The following RAF1 variants were observed in gnomAD, a reference collection of about 807,000 sequenced individuals.
RAF1 encodes the protein Raf-1 proto-oncogene, serine/threonine kinase.
Under a neutral mutation model 81.1 loss-of-function variants are expected in RAF1, and 27 were observed. The ratio of observed to expected loss-of-function variants is 0.33; its 90% CI spans 0.25 to 0.46. The LOEUF (loss-of-function observed/expected upper bound fraction) is 0.46. Among genes scored for constraint, RAF1 ranks in the 20% least tolerant of loss-of-function variants. The probability of loss-of-function intolerance (pLI) is 1.00; values close to 1 mark genes in which losing one functional copy is unlikely to be tolerated. For missense variants in RAF1, 598 were observed against 826.0 expected (o/e 0.72, Z 3.38); for synonymous variants, 298 against 294.0 (o/e 1.01, Z -0.14).
Position 12,584,532 on chromosome 3 carries a change from C to T in RAF1, c.1989G>A (p.Pro663=), listed in dbSNP as rs142051431. Residue 663 remains proline (P), a synonymous_variant, in exon 18 of 18, where the codon CCG becomes CCA. Transcript: ENST00000442415. Reference sequence around the variant, plus strand: ...AAGTCAACTAGAAGACAGGCAGCCTCGGGGACGTGGTCAGCGTGCAAGCAT... The same window carrying T: ...AAGTCAACTAGAAGACAGGCAGCCTTGGGGACGTGGTCAGCGTGCAAGCAT... The T allele has an allele frequency of 2.7e-5, 43 of 1,614,024 alleles. 1 individual carries two copies. In the South Asian group the frequency reaches 3.1e-4, roughly 12 times the overall value.
intron 6 of RAF1, among the ~76,000 whole-genome samples, chr3:12,605,112 T>G (rs945387545): frequency 6.6e-6 from 1 of 152,226 alleles, no homozygotes; most frequent in Non-Finnish European, 1.5e-5. Context: ...TTGGTCAGAT[T>G]TGCTTTTCAA....
Position 12,584,999 on chromosome 3 carries a change from G to A in RAF1, c.1729-18C>T. The A allele has an allele frequency of 6.2e-7, 1 of 1,614,088 alleles. No individual in the cohort carries two copies. Among genetic ancestry groups the A allele is most frequent in the Non-Finnish European group, 8.5e-7 (1 of 1,179,996 alleles). On this transcript the variant is annotated intron_variant, in intron 16 of 17. Coordinates refer to ENST00000442415, the MANE Select transcript of RAF1 (RefSeq NM_001354689.3). ...AAGATGATCTAAGGGAAAGAAAACA[G>A]CTGAGCTAATGGGGGGTGAATGAAC...
At chr3:12,608,187 T>G (rs1158012456) in intron 5 of RAF1, among the ~76,000 whole-genome samples, 2 of 152,154 alleles carry the variant, frequency 1.3e-5, no homozygotes, top group African/African-American at 4.8e-5. Context: ...AAAAGGCAGT[T>G]TGGACCATGT....
intron 1 of RAF1, among the ~76,000 whole-genome samples, chr3:12,639,820 T>TC (rs1262065508): frequency 6.6e-6 from 1 of 152,104 alleles, no homozygotes; most frequent in Non-Finnish European, 1.5e-5. Flanking sequence ...TTCAGTGCCA[T>TC]CCCCATCAAG....
intron 2 of RAF1, among the ~76,000 whole-genome samples, chr3:12,612,506 G>A (rs1455181900): frequency 3.3e-5 from 5 of 151,850 alleles, no homozygotes; most frequent in African/African-American, 1.2e-4. Context: ...AAAATTAGCC[G>A]GGCATGGTGG....
Position 12,608,815 on chromosome 3 carries a change from T to C in RAF1, c.532A>G (p.Thr178Ala), listed in dbSNP as rs749275497. Reference sequence around the variant, plus strand: ...TCCACACACATAGTAGGTACTTTGGTGCTACAGTGCTCATGAAATTTGTAG... The same window carrying C: ...TCCACACACATAGTAGGTACTTTGGCGCTACAGTGCTCATGAAATTTGTAG... Residue 178 changes from threonine (T) to alanine (A), a missense_variant, in exon 5 of 18, where the codon ACC becomes GCC. Around this residue, in one of 5 missense-constraint regions of RAF1, gnomAD observed 89 missense variants for 169.2 expected, o/e 0.53. Transcript: ENST00000442415. 1 of 1,614,186 alleles carries C rather than the reference T, an allele frequency of 6.2e-7. No individual in the cohort carries two copies. Among genetic ancestry groups the C allele is most frequent in the Non-Finnish European group, 8.5e-7 (1 of 1,180,010 alleles).
chr3:12,617,378 G>C (rs901826450), intron 2 of RAF1, among the ~76,000 whole-genome samples: 3 of 152,086 alleles, frequency 2.0e-5, no homozygotes, highest in African/African-American at 7.2e-5. Context: ...GCCTCCCAAA[G>C]TGCTAGGATT....
intron 2 of RAF1, 83 bp downstream of exon 2, chr3:12,618,432 C>G: frequency 7.0e-7 from 1 of 1,423,066 alleles, no homozygotes; most frequent in Non-Finnish European, 9.9e-7. Flanking sequence ...GAATATTTTG[C>G]CTGTCTTTAA....
chr3:12,629,428 T>C (rs2059800276), intron 1 of RAF1, among the ~76,000 whole-genome samples: 1 of 152,216 alleles, frequency 6.6e-6, no homozygotes, highest in South Asian at 2.1e-4. Flanking sequence ...GCAACAATAA[T>C]GATATTAGCT....
chr3:12,619,848 C>A (rs535440053), intron 1 of RAF1, among the ~76,000 whole-genome samples: 1 of 151,910 alleles, frequency 6.6e-6, no homozygotes. Flanking sequence ...TTTGGGAGGC[C>A]GAGATGGGCG....
At chr3:12,592,159 C>G in intron 11 of RAF1, 1 of 354,334 alleles carries the variant, frequency 2.8e-6, no homozygotes, top group Non-Finnish European at 5.5e-6. Context: ...TTCACACCAA[C>G]CCTGGCAAGC....
At chr3:12,593,701 GCA>G (rs1343208065) in intron 11 of RAF1, among the ~76,000 whole-genome samples, 1 of 151,954 alleles carries the variant, frequency 6.6e-6, no homozygotes, top group Non-Finnish European at 1.5e-5. Context: ...ACAATCATTT[GCA>G]TAAGTGTCCA....
intron 1 of RAF1, among the ~76,000 whole-genome samples, chr3:12,656,949 A>G (rs930041026): frequency 1.3e-5 from 2 of 151,564 alleles, no homozygotes; most frequent in South Asian, 2.1e-4. Context: ...GTGAACCAAC[A>G]TCACGCCACT....
intron 1 of RAF1, among the ~76,000 whole-genome samples, chr3:12,629,676 C>T (rs996459441): frequency 2.0e-5 from 3 of 152,186 alleles, no homozygotes; most frequent in Non-Finnish European, 2.9e-5. Context: ...ATGGGAGAGG[C>T]GGTTCCTAAG....
intron 1 of RAF1, among the ~76,000 whole-genome samples, chr3:12,650,418 G>C (rs2060486529): frequency 4.6e-5 from 7 of 152,050 alleles, no homozygotes; most frequent in Admixed American, 3.3e-4. Flanking sequence ...ATCCAGTATA[G>C]GACATTGCAC....
At chr3:12,650,581 G>T (rs967076260) in intron 1 of RAF1, among the ~76,000 whole-genome samples, 2 of 151,982 alleles carry the variant, frequency 1.3e-5, no homozygotes, top group African/African-American at 4.8e-5. Flanking sequence ...AGCATGGAAT[G>T]AAAGGAAAAA....
chr3:12,604,829 T>G (rs915876968), intron 6 of RAF1, among the ~76,000 whole-genome samples: 1 of 151,890 alleles, frequency 6.6e-6, no homozygotes, highest in African/African-American at 2.4e-5. Context: ...AATGTGAAAT[T>G]AACCACTGGC....
intron 1 of RAF1, among the ~76,000 whole-genome samples, chr3:12,634,150 TC>T (rs1252202998): frequency 2.4e-4 from 14 of 57,830 alleles, no homozygotes; most frequent in African/African-American, 1.4e-3. Context: ...GATTCCTTTC[TC>T]TCTTTTTTTT....
intron 14 of RAF1, chr3:12,587,291 T>C (rs2058359961): frequency 2.1e-6 from 1 of 467,500 alleles, no homozygotes; most frequent in African/African-American, 2.0e-5. Context: ...CATTTACTAA[T>C]AGTGTGATAA....
Sources: gnomAD v4.1 joint callset for allele counts (sites outside exome capture counted in the v4.1 genomes callset) on GRCh38, gnomAD v4.1.1 for gene constraint, gnomAD v4.1.1 regional missense constraint, MANE v1.5 for transcripts, NCBI Gene and HGNC (gene_info 2026-07-23, HGNC 2026-07-21) for gene names.